Variants in GCNT2 observed in about 807,000 individuals in gnomAD.
The protein encoded by GCNT2 is N-acetyllactosaminide beta-1,6-N-acetylglucosaminyl-transferase.
In GCNT2, 34 loss-of-function variants were observed where a neutral mutation model predicts 34.2. The observed-to-expected ratio is 1.00, with a 90% CI of 0.76 to 1.32. GCNT2 has a LOEUF of 1.32. Ranked by LOEUF, GCNT2 falls within the 40% of genes most tolerant of loss-of-function variation. The pLI is 0.00. For synonymous variants in GCNT2, 212 were observed against 188.0 expected, an observed-to-expected ratio of 1.13 and a Z score of -1.04; for missense variants, 584 against 489.4, an observed-to-expected ratio of 1.19 and a Z score of -1.82.
At chr6:10,547,320 G>T (rs79117652) in intron 3 of GCNT2, among the ~76,000 whole-genome samples, 2 of 152,142 alleles carry the variant, frequency 1.3e-5, no homozygotes, top group East Asian at 1.9e-4. Flanking sequence ...CCCTATTCCA[G>T]TGTGCATGGT....
chr6:10,582,618 A>G (rs1764174777), intron 3 of GCNT2, among the ~76,000 whole-genome samples: 1 of 137,202 alleles, frequency 7.3e-6, no homozygotes, highest in Non-Finnish European at 1.6e-5. Context: ...ATATAAATAT[A>G]TATATTTTTT....
intron 3 of GCNT2, among the ~76,000 whole-genome samples, chr6:10,595,565 C>T (rs36023782): frequency 6.6e-6 from 1 of 152,032 alleles, no homozygotes; most frequent in Non-Finnish European, 1.5e-5. Context: ...GCGTGCCACT[C>T]TGCCCGGCCG....
chr6:10,617,751 T>C (rs994891556), intron 3 of GCNT2, among the ~76,000 whole-genome samples: 57 of 16,890 alleles, frequency 3.4e-3, no homozygotes, highest in African/African-American at 9.6e-3. Context: ...GCATTTCTTC[T>C]TTTTTTTTTT....
rs1157539882 is a variant in GCNT2 at position 10,582,307 on chromosome 6, T to C, written c.926-39044T>C. On this transcript the variant is annotated intron_variant, in intron 3 of 4. Transcript: ENST00000495262. ...ATATATAATATTACTATATATTTAA[T>C]ATATAGTAATATTAAATATAATATA... 9.1e-5 allele frequency among the ~76,000 whole-genome samples: 10 copies of C among 110,310 alleles called. No individual in the cohort carries two copies. The East Asian group carries it at 1.7e-3, about 19-fold the overall frequency. 72.4% of individuals were successfully genotyped at this position (110,310 alleles called of 152,430 possible).
intron 3 of GCNT2, among the ~76,000 whole-genome samples, chr6:10,618,467 TAAAG>T (rs1561841037): frequency 6.6e-6 from 1 of 152,216 alleles, no homozygotes; most frequent in African/African-American, 2.4e-5. Flanking sequence ...TTATCAGTAT[TAAAG>T]AGAATGAAAA....
chr6:10,586,561 G>T (rs756309210), intron 3 of GCNT2: 3 of 1,614,000 alleles, frequency 1.9e-6, no homozygotes, highest in South Asian at 2.2e-5. Context: ...ATCAACACCT[G>T]TGGACAAGAC....
At chr6:10,596,702 C>G (rs1764867993) in intron 3 of GCNT2, among the ~76,000 whole-genome samples, 2 of 151,212 alleles carry the variant, frequency 1.3e-5, no homozygotes, top group Admixed American at 6.6e-5. Flanking sequence ...GTTTTCATCT[C>G]TTCTCCAGAC....
intron 3 of GCNT2, among the ~76,000 whole-genome samples, chr6:10,614,594 C>T (rs1487723390): frequency 6.9e-6 from 1 of 145,334 alleles, no homozygotes; most frequent in Non-Finnish European, 1.5e-5. Context: ...CCACTGGACT[C>T]CAGCCTGGGC....
In GCNT2 at chr6:10,533,040, C is replaced by T. The variant is rs566320111; in HGVS notation, c.925+3204C>T. ...AACTAGTCCAGGCCAGGTGTGGTGG[C>T]TCACGCCTGTAATCCCAGCACTTTG... On this transcript the variant is annotated intron_variant, in intron 3 of 4. Coordinates refer to ENST00000495262, the MANE Select transcript of GCNT2 (RefSeq NM_145649.5). 4.0e-5 allele frequency among the ~76,000 whole-genome samples: 6 copies of T among 149,874 alleles called. No individual in the cohort carries two copies. The Admixed American group carries it at 4.1e-4, about 10-fold the overall frequency.
intron 3 of GCNT2, among the ~76,000 whole-genome samples, chr6:10,543,069 G>A (rs935035726): frequency 1.3e-5 from 2 of 150,072 alleles, no homozygotes; most frequent in African/African-American, 4.9e-5. Flanking sequence ...CACCACACCC[G>A]GCTAATTTTT....
chr6:10,597,987 C>T (rs1208925911), intron 3 of GCNT2, among the ~76,000 whole-genome samples: 3 of 152,176 alleles, frequency 2.0e-5, no homozygotes, highest in Admixed American at 2.0e-4. Flanking sequence ...CCACACTATA[C>T]AATTCTGTTC....
At chr6:10,578,548 G>A (rs1481546528) in intron 3 of GCNT2, among the ~76,000 whole-genome samples, 3 of 143,776 alleles carry the variant, frequency 2.1e-5, no homozygotes, top group East Asian at 2.2e-4. Flanking sequence ...CTGGGTTCAT[G>A]CCATTCTCCT....
At chr6:10,566,189 T>C (rs191439235) in intron 3 of GCNT2, among the ~76,000 whole-genome samples, 29 of 152,228 alleles carry the variant, frequency 1.9e-4, no homozygotes, top group Admixed American at 7.8e-4. Flanking sequence ...GTGCTTTTTT[T>C]TTTTTTTAAT....
chr6:10,610,633 C>A (rs1467271452), intron 3 of GCNT2, among the ~76,000 whole-genome samples: 4 of 152,152 alleles, frequency 2.6e-5, no homozygotes, highest in African/African-American at 9.7e-5. Flanking sequence ...AATATAAATT[C>A]TCTAGATACA....
chr6:10,595,299 G>C (rs1263909921), intron 3 of GCNT2, among the ~76,000 whole-genome samples: 1 of 150,790 alleles, frequency 6.6e-6, no homozygotes, highest in Non-Finnish European at 1.5e-5. Context: ...AATTTTTTGA[G>C]ACGGAGTCTT....
At chr6:10,564,260 C>G (rs1399531972) in intron 3 of GCNT2, among the ~76,000 whole-genome samples, 1 of 152,108 alleles carries the variant, frequency 6.6e-6, no homozygotes, top group African/African-American at 2.4e-5. Flanking sequence ...AGTAATGTGC[C>G]CTGTTCCAAA....
At chr6:10,606,120 G>A (rs1765301032) in intron 3 of GCNT2, among the ~76,000 whole-genome samples, 1 of 152,246 alleles carries the variant, frequency 6.6e-6, no homozygotes, top group African/African-American at 2.4e-5. Flanking sequence ...TTTGAGACCA[G>A]CCTGGCCAAC....
chr6:10,580,864 A>G (rs1466732743), intron 3 of GCNT2, among the ~76,000 whole-genome samples: 1 of 152,188 alleles, frequency 6.6e-6, no homozygotes, highest in Non-Finnish European at 1.5e-5. Flanking sequence ...CCTGGTTTTC[A>G]TGTTGAGTTG....
intron 3 of GCNT2, among the ~76,000 whole-genome samples, chr6:10,617,663 G>A (rs1438407013): frequency 2.0e-5 from 3 of 152,048 alleles, no homozygotes; most frequent in African/African-American, 7.2e-5. Context: ...GAGTTGCTCT[G>A]GTTCACAGGC....
Sources: allele counts gnomAD v4.1 joint callset (sites outside exome capture counted in the v4.1 genomes callset), GRCh38; gene constraint gnomAD v4.1.1; transcripts MANE v1.5; gene names NCBI Gene and HGNC (gene_info 2026-07-23, HGNC 2026-07-21).